The following NTM variants were observed in gnomAD, a reference collection of about 807,000 sequenced individuals.
NTM encodes the protein neurotrimin, also known as IgLON family member 2.
NTM carries 13 observed loss-of-function variants against 42.1 expected under a neutral mutation model. The ratio of observed to expected loss-of-function variants is 0.31; its 90% CI spans 0.20 to 0.49. The LOEUF (loss-of-function observed/expected upper bound fraction) is 0.49. NTM is among the 20% of genes least tolerant of loss of function. The pLI is 0.99. For synonymous variants in NTM, 187 were observed against 179.2 expected, an observed-to-expected ratio of 1.04 and a Z score of -0.35; for missense variants, 373 against 452.8, an observed-to-expected ratio of 0.82 and a Z score of 1.60.
intron 1 of NTM, among the ~76,000 whole-genome samples, chr11:131,380,294 G>A (rs541095793): frequency 6.4e-4 from 91 of 141,822 alleles, no homozygotes; most frequent in African/African-American, 2.1e-3. Flanking sequence ...CTCAACCTCC[G>A]CCTCCCGGGT....
At chr11:132,158,275 C>T (rs983774639) in intron 3 of NTM, among the ~76,000 whole-genome samples, 1 of 152,210 alleles carries the variant, frequency 6.6e-6, no homozygotes, top group Non-Finnish European at 1.5e-5. Flanking sequence ...CTCCTGGCTT[C>T]CAGGCCTTAA....
At chr11:131,845,773 A>C (rs1451444879) in intron 1 of NTM, among the ~76,000 whole-genome samples, 3 of 152,110 alleles carry the variant, frequency 2.0e-5, no homozygotes, top group South Asian at 4.1e-4. Context: ...AAATAAAAGA[A>C]AAAAGACAAA....
At chr11:132,122,469 T>C (rs1406065925) in intron 2 of NTM, among the ~76,000 whole-genome samples, 1 of 152,194 alleles carries the variant, frequency 6.6e-6, no homozygotes, top group Admixed American at 6.5e-5. Context: ...TAACCTAAAC[T>C]GGGGCTGCGC....
chr11:131,436,859 C>A (rs1367419352), intron 1 of NTM, among the ~76,000 whole-genome samples: 6 of 152,108 alleles, frequency 3.9e-5, no homozygotes, highest in Non-Finnish European at 8.8e-5. Context: ...TTCTCTAGTT[C>A]TTTTAATTGT....
intron 1 of NTM, among the ~76,000 whole-genome samples, chr11:131,796,693 C>T (rs991845051): frequency 1.2e-4 from 18 of 152,164 alleles, no homozygotes; most frequent in African/African-American, 3.4e-4. Context: ...TTATCAAGAA[C>T]GTGGGATGGC....
chr11:131,822,518 C>T (rs985030096), intron 1 of NTM, among the ~76,000 whole-genome samples: 5 of 152,256 alleles, frequency 3.3e-5, no homozygotes, highest in East Asian at 1.9e-4. Flanking sequence ...AGAATAAGAA[C>T]GCGTGTACAG....
chr11:131,472,404 T>C (rs1329275887), intron 1 of NTM, among the ~76,000 whole-genome samples: 1 of 152,206 alleles, frequency 6.6e-6, no homozygotes, highest in African/African-American at 2.4e-5. Context: ...ACTGATCCCA[T>C]GAACAGAATA....
chr11:131,622,583 G>C (rs2062689020), intron 1 of NTM, among the ~76,000 whole-genome samples: 1 of 152,154 alleles, frequency 6.6e-6, no homozygotes, highest in Non-Finnish European at 1.5e-5. Context: ...AAATTTTGCT[G>C]TACACACAGA....
intron 1 of NTM, among the ~76,000 whole-genome samples, chr11:131,527,623 C>A (rs1050444684): frequency 2.6e-5 from 4 of 152,150 alleles, no homozygotes; most frequent in Admixed American, 6.5e-5. Context: ...TGGAAAAAGC[C>A]ATCTTATGTA....
At chr11:131,821,015 C>A (rs1216418525) in intron 1 of NTM, among the ~76,000 whole-genome samples, 1 of 143,530 alleles carries the variant, frequency 7.0e-6, no homozygotes, top group Non-Finnish European at 1.5e-5. Flanking sequence ...CACCAAGATG[C>A]CTCCAAAGGG....
chr11:132,079,334 A>G (rs2058741271), intron 2 of NTM, among the ~76,000 whole-genome samples: 1 of 152,212 alleles, frequency 6.6e-6, no homozygotes, highest in South Asian at 2.1e-4. Context: ...AACTTAGTGG[A>G]CACAAGTTTA....
Position 131,563,579 on chromosome 11 carries a change from C to CTTTTTTTT in NTM, c.82+192707_82+192714dup, listed in dbSNP as rs71911433. On this transcript the variant is annotated intron_variant, in intron 1 of 8. Coordinates refer to ENST00000683400, the MANE Select transcript of NTM (RefSeq NM_001352005.2). Reference sequence around the variant, plus strand: ...ATTTCTCCTGTGACAGCTCCAGACACTTTTTTTTTTTTTTTTTTTTTTTGG... The same window carrying CTTTTTTTT: ...ATTTCTCCTGTGACAGCTCCAGACACTTTTTTTTTTTTTTTTTTTTTTTTTTTTTTTGG... Among the ~76,000 whole-genome samples the CTTTTTTTT allele has an allele frequency of 1.2e-4, 11 of 88,766 alleles. 1 individual carries two copies. The highest frequency in any genetic ancestry group is 5.0e-4 in the African/African-American group (11 of 21,854). 58.2% of individuals were successfully genotyped at this position (88,766 alleles called of 152,430 possible).
chr11:131,392,393 T>G (rs1441676636), intron 1 of NTM, among the ~76,000 whole-genome samples: 2 of 151,604 alleles, frequency 1.3e-5, no homozygotes, highest in Admixed American at 6.6e-5. Context: ...GAGTCCTGTG[T>G]GCAACCATAG....
intron 1 of NTM, among the ~76,000 whole-genome samples, chr11:131,804,312 C>A (rs1224811027): frequency 6.6e-6 from 1 of 152,096 alleles, no homozygotes; most frequent in Admixed American, 6.6e-5. Context: ...AAGTTAAGTC[C>A]AGCTTATTTA....
chr11:131,742,232 GATAAAAA>G (rs2081288413), intron 1 of NTM, among the ~76,000 whole-genome samples: 2 of 152,084 alleles, frequency 1.3e-5, no homozygotes, highest in Non-Finnish European at 2.9e-5. Context: ...AAAGTCAAAA[GATAAAAA>G]ATAAAAGAAT....
chr11:131,638,357 A>T (rs1190450103), intron 1 of NTM, among the ~76,000 whole-genome samples: 1 of 152,146 alleles, frequency 6.6e-6, no homozygotes, highest in East Asian at 1.9e-4. Context: ...ACCTGAGGTC[A>T]GGAGTTCAAG....
intron 4 of NTM, among the ~76,000 whole-genome samples, chr11:132,281,473 C>T (rs549216561): frequency 6.6e-6 from 1 of 152,318 alleles, no homozygotes; most frequent in African/African-American, 2.4e-5. Flanking sequence ...GATGCAAATA[C>T]ACAGAAACAT....
At chr11:131,681,913 C>CGT (rs750414079) in intron 1 of NTM, among the ~76,000 whole-genome samples, 20 of 149,688 alleles carry the variant, frequency 1.3e-4, no homozygotes, top group Non-Finnish European at 2.2e-4. Flanking sequence ...GTGTGTGTGT[C>CGT]GTGTGTGTGT....
At chr11:131,709,737 G>A (rs1202436237) in intron 1 of NTM, among the ~76,000 whole-genome samples, 3 of 152,140 alleles carry the variant, frequency 2.0e-5, no homozygotes, top group African/African-American at 7.2e-5. Context: ...TATAAACAGT[G>A]TTTAAAGCCA....
Sources: allele counts gnomAD v4.1 joint callset (sites outside exome capture counted in the v4.1 genomes callset), GRCh38; gene constraint gnomAD v4.1.1; transcripts MANE v1.5; gene names NCBI Gene and HGNC (gene_info 2026-07-23, HGNC 2026-07-21).